RP1: variants seen among roughly 807,000 people sequenced by gnomAD.
The protein encoded by RP1 is oxygen-regulated protein 1.
In RP1, 16 loss-of-function variants were observed where a neutral mutation model predicts 14.8. The observed-to-expected ratio is 1.08, with a 90% confidence interval of 0.73 to 1.65. The LOEUF (loss-of-function observed/expected upper bound fraction) is 1.65, where lower values mean the gene tolerates loss of function less well. Among genes scored for constraint, RP1 ranks in the 40% most tolerant of loss-of-function variants. The pLI, the probability that RP1 is intolerant of heterozygous loss-of-function variation, is 0.00. For missense variants in RP1, 2,631 were observed against 2,535.0 expected (o/e 1.04, Z -0.81); for synonymous variants, 876 against 883.6 (o/e 0.99, Z 0.15).
At chr8:54,794,572 C>A (rs182430232) in intron 24 of RP1, among the ~76,000 whole-genome samples, 267 of 151,852 alleles carry the variant, frequency 1.8e-3, no homozygotes, top group African/African-American at 6.0e-3. Flanking sequence ...ATGTCTTATA[C>A]CTTTCACAAA....
rs528960704 is a variant in RP1, at chr8:54,720,504, T to C, written c.2389+198T>C. 2.0e-5 allele frequency among the ~76,000 whole-genome samples: 3 copies of C among 152,318 alleles called. No homozygotes were observed. In the South Asian group the frequency reaches 6.2e-4, roughly 32 times the overall value. On this transcript the variant is annotated intron_variant, in intron 16 of 22. Transcript: ENST00000636932. ...GTTTTCAGATAATTAATATTAGGTA[T>C]AGAGTTTTTGCTACATTGAACTTCT...
chr8:54,796,969 A>T (rs1810590790), intron 24 of RP1, among the ~76,000 whole-genome samples: 1 of 152,184 alleles, frequency 6.6e-6, no homozygotes, highest in Non-Finnish European at 1.5e-5. Flanking sequence ...GAATGATAGA[A>T]TCTATCATGG....
At position 54,734,528 on chromosome 8, in the gene RP1, GC is replaced by G. The variant is rs1221453196; in HGVS notation, c.2522-16del. 7 of 1,527,136 alleles carry G rather than the reference GC, an allele frequency of 4.6e-6. No individual in the cohort carries two copies. The African/African-American group carries it at 6.9e-5, about 15-fold the overall frequency. 94.6% of individuals were successfully genotyped at this position (1,527,136 alleles called of 1,614,324 possible). ...ATGTTATATCTGATCTGCCACTAAT[GC>G]TTTTTTCCCCCATAGAAGAAATCAG... On this transcript the variant is annotated splice_polypyrimidine_tract_variant and intron_variant, in intron 17 of 22. Transcript: ENST00000636932.
intron 25 of RP1, among the ~76,000 whole-genome samples, chr8:54,847,203 AAG>A (rs1362122825): frequency 4.6e-5 from 7 of 152,212 alleles, no homozygotes; most frequent in Non-Finnish European, 5.9e-5. Context: ...TTGTAAAAAA[AAG>A]AGAGAGATTT....
At chr8:54,707,716 C>T (rs1386418117) in intron 15 of RP1, among the ~76,000 whole-genome samples, 1 of 152,208 alleles carries the variant, frequency 6.6e-6, no homozygotes, top group African/African-American at 2.4e-5. Context: ...TTTGACCTTT[C>T]ATGGTTCCCA....
chr8:54,803,792 G>A (rs11987157), intron 24 of RP1, among the ~76,000 whole-genome samples: 2,207 of 152,136 alleles, frequency 0.015, 56 homozygotes, highest in African/African-American at 0.049. Flanking sequence ...ACAATGGGCC[G>A]GGCACAATGG....
chr8:54,771,131 G>A (rs1045165929), downstream of RP1, among the ~76,000 whole-genome samples: 1 of 151,936 alleles, frequency 6.6e-6, no homozygotes. Context: ...TAGGAACTGT[G>A]TTTCAGCTTA....
rs531364787 is a variant in RP1, at chr8:54,606,308, G to A, written c.-12-14647G>A. Among the ~76,000 whole-genome samples the A allele has an allele frequency of 8.9e-4, 135 of 152,210 alleles. 1 individual carries two copies. The highest frequency in any genetic ancestry group is 3.4e-3 in the Middle Eastern group (1 of 294). On this transcript the variant is annotated intron_variant, in intron 1 of 22. Transcript: ENST00000636932. ...ATTTCTCCTTCACTTATGAAGCTTAGTTTGGCTTGATATGAAATTCTGAGT... is the reference window on the plus strand; with the variant it reads ...ATTTCTCCTTCACTTATGAAGCTTAATTTGGCTTGATATGAAATTCTGAGT...
upstream of RP1, among the ~76,000 whole-genome samples, chr8:54,611,876 CCTCCCTCT>C (rs1231818872): frequency 1.4e-5 from 2 of 147,446 alleles, no homozygotes; most frequent in Admixed American, 6.7e-5. Context: ...TCCCTCCCTC[CCTCCCTCT>C]CTCCCTTCCT....
intron 24 of RP1, among the ~76,000 whole-genome samples, chr8:54,821,898 A>C (rs1024176930): frequency 1.3e-5 from 2 of 152,170 alleles, no homozygotes; most frequent in African/African-American, 2.4e-5. Flanking sequence ...ATTGGTCTAG[A>C]ATATCCTTTT....
chr8:54,673,229 A>G (rs369116050), intron 7 of RP1, among the ~76,000 whole-genome samples: 45 of 152,326 alleles, frequency 3.0e-4, no homozygotes, highest in African/African-American at 1.1e-3. Context: ...GCATATGAAA[A>G]TATTTTGAAA....
chr8:54,622,274 CAGAA>C lies in RP1; in HGVS notation c.776_779del (p.Glu259AlafsTer4). ...GTGTACCCCAAGGGAAATGCAAAGT[CAGAA>C]AGCAGAAAGAGTAAGTCACTTATTA... On this transcript the variant is annotated frameshift_variant, in exon 3 of 4. Coordinates refer to ENST00000220676, the MANE Select transcript of RP1 (RefSeq NM_006269.2). LOFTEE classifies it low-confidence loss of function (END_TRUNC). The C allele has an allele frequency of 6.2e-7, 1 of 1,613,968 alleles. No individual in the cohort carries two copies.
downstream of RP1, among the ~76,000 whole-genome samples, chr8:54,631,307 T>C (rs1390389752): frequency 2.6e-5 from 4 of 152,234 alleles, no homozygotes; most frequent in African/African-American, 9.6e-5. Context: ...AGTGATGCTT[T>C]CTTTTAGTGA....
intron 1 of RP1, among the ~76,000 whole-genome samples, chr8:54,566,791 A>G (rs1001078982): frequency 6.6e-6 from 1 of 152,210 alleles, no homozygotes; most frequent in Middle Eastern, 3.2e-3. Flanking sequence ...AAGGTAAAAG[A>G]TATTTAATGC....
At chr8:54,781,032 T>C (rs186362120) in intron 23 of RP1, 2 of 984,560 alleles carry the variant, frequency 2.0e-6, no homozygotes, top group Admixed American at 1.2e-4. Flanking sequence ...CAAACTACTT[T>C]AAAAGTATTT....
intron 22 of RP1, among the ~76,000 whole-genome samples, chr8:54,769,382 C>A (rs1158634660): frequency 6.6e-6 from 1 of 152,102 alleles, no homozygotes; most frequent in Non-Finnish European, 1.5e-5. Context: ...AAATCTGAAA[C>A]CTGCCCTTGC....
chr8:54,791,363 A>G (rs145133814), intron 24 of RP1, among the ~76,000 whole-genome samples: 73 of 152,282 alleles, frequency 4.8e-4, no homozygotes, highest in Middle Eastern at 3.4e-3. Flanking sequence ...AGTTGAAATG[A>G]AAAGACACTA....
exon 29 of RP1, chr8:54,870,243 C>G (rs540636126): frequency 3.8e-6 from 1 of 264,652 alleles, no homozygotes. Context: ...CCTCCCTCCT[C>G]TCCCTTCTTT....
chr8:54,855,972 C>CACACACACACA (rs10573058), intron 26 of RP1, among the ~76,000 whole-genome samples: 1 of 70,622 alleles, frequency 1.4e-5, no homozygotes, highest in African/African-American at 7.8e-5. Context: ...CACACACACA[C>CACACACACACA]CCCCTATAAC....
Sources: allele counts gnomAD v4.1 joint callset (sites outside exome capture counted in the v4.1 genomes callset), GRCh38; gene constraint gnomAD v4.1.1; transcripts MANE v1.5; gene names NCBI Gene and HGNC (gene_info 2026-07-23, HGNC 2026-07-21).